The following DYNC1I2 variants were observed in gnomAD, a reference collection of about 807,000 sequenced individuals.
The protein encoded by DYNC1I2 is dynein cytoplasmic 1 intermediate chain 2.
Under a neutral mutation model 88.6 loss-of-function variants are expected in DYNC1I2, and 53 were observed. The observed-to-expected ratio is 0.60, with a 90% CI of 0.48 to 0.75. The LOEUF (loss-of-function observed/expected upper bound fraction) is 0.75. DYNC1I2 is among the 30% of genes least tolerant of loss of function. The pLI, the probability that DYNC1I2 is intolerant of heterozygous loss-of-function variation, is 0.00. For missense variants in DYNC1I2, 458 were observed against 766.6 expected, an observed-to-expected ratio of 0.60 and a Z score of 4.75; for synonymous variants, 198 against 254.6, an observed-to-expected ratio of 0.78 and a Z score of 2.12.
At chr2:171,724,253 A>G (rs1030646210) in intron 7 of DYNC1I2, among the ~76,000 whole-genome samples, 3 of 152,314 alleles carry the variant, frequency 2.0e-5, no homozygotes, top group South Asian at 2.1e-4. Flanking sequence ...TTTATTGCCT[A>G]TACTATAGAG....
intron 15 of DYNC1I2, among the ~76,000 whole-genome samples, chr2:171,735,653 A>C (rs1254906449): frequency 1.3e-5 from 2 of 152,220 alleles, no homozygotes; most frequent in East Asian, 3.8e-4. Context: ...CTCTGTTGCC[A>C]TCTCAAAATA....
chr2:171,692,849 G>A lies in DYNC1I2; in HGVS notation c.181G>A (p.Glu61Lys). Residue 61 changes from glutamate (E) to lysine (K), a missense_variant, in exon 3 of 18, where the codon GAA (glutamate) becomes AAA (lysine). Glu to Lys is a moderately conservative substitution (Grantham distance 56). This residue lies in a region of DYNC1I2 where 55 missense variants were observed against 57.1 expected (regional missense o/e 0.96). Coordinates refer to ENST00000397119, the MANE Select transcript of DYNC1I2 (RefSeq NM_001378.3). ...SDLEKKRREA[E>K]ALLQSMGLTP... Reference sequence around the variant, plus strand: ...TCTTGAAAAAAAAAGGAGAGAAGCTGAAGCATTGCTTCAAAGCATGGGGCT... The same window carrying A: ...TCTTGAAAAAAAAAGGAGAGAAGCTAAAGCATTGCTTCAAAGCATGGGGCT... 6.2e-7 allele frequency: 1 copy of A among 1,607,024 alleles called. No individual in the cohort carries two copies. The highest frequency in any genetic ancestry group is 1.1e-5 in the South Asian group (1 of 89,312).
intron 11 of DYNC1I2, 55 bp from the exon 12 acceptor site, chr2:171,727,766 C>T (rs1688345325): frequency 1.3e-6 from 2 of 1,529,716 alleles, no homozygotes; most frequent in Non-Finnish European, 1.8e-6. Flanking sequence ...ATTTTTAGAA[C>T]TTGTCAGGCA....
intron 7 of DYNC1I2, among the ~76,000 whole-genome samples, chr2:171,717,647 A>G (rs1182469957): frequency 6.6e-6 from 1 of 152,192 alleles, no homozygotes; most frequent in Non-Finnish European, 1.5e-5. Flanking sequence ...TGTAATTTCT[A>G]GAAAATATTA....
At position 171,728,359 on chromosome 2, in the gene DYNC1I2, A is replaced by G. The variant is rs1045917025; in HGVS notation, c.1198A>G (p.Ser400Gly). ...VGTQNAHNLI[S>G]ISTDGKICSW... ...AACACAAAATGCTCACAATCTGATT[A>G]GCATCTCTACTGATGGAAAAATTTG... The change falls in exon 13 of 18, where the codon AGC becomes GGC. Residue 400 changes from serine to glycine, a missense_variant. Around this residue, in one of 5 missense-constraint regions of DYNC1I2, gnomAD observed 188 missense variants for 300.4 expected, o/e 0.63. Transcript: ENST00000397119. 14 of 1,608,356 alleles carry G rather than the reference A, an allele frequency of 8.7e-6. No homozygotes were observed. The highest frequency in any genetic ancestry group is 1.2e-5 in the Non-Finnish European group (14 of 1,178,030).
intron 15 of DYNC1I2, among the ~76,000 whole-genome samples, chr2:171,743,199 TAAAG>T (rs1689563407): frequency 6.6e-6 from 1 of 152,142 alleles, no homozygotes; most frequent in African/African-American, 2.4e-5. Flanking sequence ...AAGAAAATCA[TAAAG>T]AAGAGAAAAT....
At chr2:171,729,302 TTGTC>T (rs1688452893) in intron 14 of DYNC1I2, among the ~76,000 whole-genome samples, 1 of 152,166 alleles carries the variant, frequency 6.6e-6, no homozygotes, top group African/African-American at 2.4e-5. Context: ...TGTTTTGAAA[TTGTC>T]TAGCTGTACC....
intron 5 of DYNC1I2, among the ~76,000 whole-genome samples, chr2:171,707,823 T>A (rs1160903102): frequency 1.3e-5 from 2 of 152,154 alleles, no homozygotes; most frequent in Admixed American, 1.3e-4. Context: ...GTTCTGCTAA[T>A]TAAGATAGAG....
chr2:171,742,067 GAAAA>G (rs71013069), intron 15 of DYNC1I2, among the ~76,000 whole-genome samples: 4 of 130,912 alleles, frequency 3.1e-5, no homozygotes, highest in Admixed American at 1.6e-4. Flanking sequence ...CGCGGTCTCA[GAAAA>G]AAAAAAAAAA....
intron 7 of DYNC1I2, among the ~76,000 whole-genome samples, chr2:171,718,644 A>G (rs1057354948): frequency 7.9e-5 from 12 of 151,758 alleles, no homozygotes; most frequent in Non-Finnish European, 1.5e-4. Flanking sequence ...CATGTTAGCC[A>G]GGATGGTCTC....
chr2:171,725,540 C>G (rs1464788820), intron 7 of DYNC1I2, 78 bp from the exon 8 acceptor site: 4 of 937,118 alleles, frequency 4.3e-6, no homozygotes, highest in African/African-American at 3.5e-5. Context: ...TCAAAAGTTA[C>G]CAGCTATTTT....
chr2:171,728,057 A>G, intron 12 of DYNC1I2, 90 bp downstream of exon 12: 4 of 1,412,794 alleles, frequency 2.8e-6, no homozygotes, highest in South Asian at 1.6e-5. Flanking sequence ...TCATCTCAGA[A>G]TGTGCTTCCT....
intron 5 of DYNC1I2, among the ~76,000 whole-genome samples, chr2:171,711,967 C>T (rs2105579653): frequency 6.6e-6 from 1 of 152,266 alleles, no homozygotes; most frequent in African/African-American, 2.4e-5. Flanking sequence ...TGATAAAGCA[C>T]CTTTTGTTCT....
At position 171,707,315 on chromosome 2, in the gene DYNC1I2, A is replaced by G. The variant is rs1235809298; in HGVS notation, c.273A>G (p.Lys91=). The change falls in exon 5 of 18, where the codon AAA becomes AAG. Residue 91 remains lysine (K), a synonymous_variant. Transcript: ENST00000397119. ...CTCCTCCTATGTCTCCATCCTCCAA[A>G]TCTGTGAGCACTCCAAGTGAAGCTG... ...WVPPPMSPSS[K]SVSTPSEAGS... is the part of the protein sequence containing the mutation. The G allele has an allele frequency of 1.2e-6, 2 of 1,613,668 alleles. No individual in the cohort carries two copies. The highest frequency in any genetic ancestry group is 1.3e-5 in the African/African-American group (1 of 74,906).
At chr2:171,731,596 T>A (rs1187661726) in intron 15 of DYNC1I2, among the ~76,000 whole-genome samples, 2 of 152,002 alleles carry the variant, frequency 1.3e-5, no homozygotes, top group Non-Finnish European at 2.9e-5. Flanking sequence ...TTACAAAAAA[T>A]TTAAAAATTA....
intron 7 of DYNC1I2, among the ~76,000 whole-genome samples, chr2:171,723,663 C>T (rs559198339): frequency 6.6e-6 from 1 of 152,172 alleles, no homozygotes; most frequent in African/African-American, 2.4e-5. Context: ...TATTTTGCCC[C>T]AAAAAGCTTT....
intron 11 of DYNC1I2, among the ~76,000 whole-genome samples, 176 bp downstream of exon 11, chr2:171,727,092 C>T (rs746507155): frequency 7.9e-5 from 12 of 152,176 alleles, no homozygotes; most frequent in Non-Finnish European, 1.3e-4. Context: ...CTCAGTTCAA[C>T]ATGATCTGCC....
At chr2:171,689,671 C>T (rs922117206) in intron 1 of DYNC1I2, among the ~76,000 whole-genome samples, 1 of 151,822 alleles carries the variant, frequency 6.6e-6, no homozygotes, top group Non-Finnish European at 1.5e-5. Context: ...TTTGTTTATA[C>T]ATTTTTTAAG....
intron 10 of DYNC1I2, 156 bp from the exon 11 acceptor site, chr2:171,726,635 A>T: frequency 1.4e-6 from 1 of 724,002 alleles, no homozygotes; most frequent in African/African-American, 1.8e-5. Context: ...AATTGTACTA[A>T]TGTCCCAGTA....
Sources: allele counts gnomAD v4.1 joint callset (sites outside exome capture counted in the v4.1 genomes callset), GRCh38; gene constraint gnomAD v4.1.1; regional missense constraint gnomAD v4.1.1; transcripts MANE v1.5; gene names NCBI Gene and HGNC (gene_info 2026-07-23, HGNC 2026-07-21).